Variants in TMEM259 observed in about 807,000 individuals in gnomAD.
TMEM259 encodes transmembrane protein 259.
TMEM259 carries 26 observed loss-of-function variants against 46.7 expected under a neutral mutation model. That is an observed-to-expected ratio of 0.56 (90% confidence interval 0.41 to 0.77). The LOEUF is 0.77. Ranked by LOEUF, TMEM259 falls within the 30% of genes least tolerant of loss-of-function variation. The pLI is 0.00. For synonymous variants in TMEM259, 494 were observed against 395.1 expected, an observed-to-expected ratio of 1.25 and a Z score of -2.97; for missense variants, 930 against 900.5, an observed-to-expected ratio of 1.03 and a Z score of -0.42.
Position 1,021,062 on chromosome 19 carries a change from G to C in TMEM259, c.-66C>G. ...GGGCGCCTCCCGGCCGCCATCGGCCGCCCTCGCAGCCGCCGCTCTCCTCAC... is the reference window on the plus strand; with the variant it reads ...GGGCGCCTCCCGGCCGCCATCGGCCCCCCTCGCAGCCGCCGCTCTCCTCAC... On this transcript the variant is annotated 5_prime_UTR_variant, in exon 1 of 11. Coordinates refer to ENST00000356663, the MANE Select transcript of TMEM259 (RefSeq NM_001033026.2). 1 of 1,272,844 alleles carries C rather than the reference G, an allele frequency of 7.9e-7. No homozygotes were observed. The highest frequency in any genetic ancestry group is 1.0e-6 in the Non-Finnish European group (1 of 1,003,740). The allele number at this position is 1,272,844 out of a possible 1,614,324, so 78.8% of individuals were successfully genotyped here. A position where few individuals can be genotyped will look rare whatever the true frequency, so the allele number is the denominator to read the frequency against.
At chr19:1,011,222 G>A in intron 9 of TMEM259, 27 bp from the exon 10 acceptor site, 2 of 1,562,396 alleles carry the variant, frequency 1.3e-6, no homozygotes, top group Non-Finnish European at 1.7e-6. Context: ...GGGCGTCGGG[G>A]CTGCAGGTCC....
intron 9 of TMEM259, 24 bp from the exon 10 acceptor site, chr19:1,011,219 G>A (rs758537814): frequency 2.2e-5 from 35 of 1,563,748 alleles, no homozygotes; most frequent in East Asian, 1.9e-4. Context: ...TGAGGGCGTC[G>A]GGGCTGCAGG....
At position 1,010,884 on chromosome 19, in the gene TMEM259, G is replaced by A. The variant is rs751793796; in HGVS notation, c.1329C>T (p.Ile443=). The change falls in exon 11 of 11, where the codon ATC becomes ATT. Residue 443 remains isoleucine, a synonymous_variant. Coordinates refer to ENST00000356663, the MANE Select transcript of TMEM259 (RefSeq NM_001033026.2). ...GCAGCTCGTAGTGGTGGAAGAAGTA[G>A]ATCATGGAATGCTGCGGGAGGGAGA... is the stretch of plus-strand genomic sequence containing the variant. ...TSWLFIQHSM[I]YFFHHYELPA... The A allele has an allele frequency of 7.9e-6, 12 of 1,521,148 alleles. No individual in the cohort carries two copies. Among genetic ancestry groups the A allele is most frequent in the Admixed American group, 1.7e-5 (1 of 58,404 alleles). 94.2% of individuals were successfully genotyped at this position (1,521,148 alleles called of 1,614,324 possible).
In TMEM259 at chr19:1,011,066, C is replaced by T; in HGVS notation, c.1317+30G>A. The T allele has an allele frequency of 1.9e-6, 3 of 1,562,582 alleles. No individual in the cohort carries two copies. The South Asian group carries it at 3.5e-5, about 18-fold the overall frequency. Reference sequence around the variant, plus strand: ...CTCCTGCCTGGAAAGGCACGGCTGGCCTGCCCCCTGCTTGCCGCCCAGGCC... The same window carrying T: ...CTCCTGCCTGGAAAGGCACGGCTGGTCTGCCCCCTGCTTGCCGCCCAGGCC... On this transcript the variant is annotated intron_variant, in intron 10 of 10. Transcript: ENST00000356663.
At position 1,021,076 on chromosome 19, in the gene TMEM259, C is replaced by A; in HGVS notation, c.-80G>T. ...CGCCATCGGCCGCCCTCGCAGCCGC[C>A]GCTCTCCTCACGGCCTCCCGGCCGC... On this transcript the variant is annotated 5_prime_UTR_variant, in exon 1 of 11. Transcript: ENST00000356663. 5 of 1,253,614 alleles carry A rather than the reference C, an allele frequency of 4.0e-6. No individual in the cohort carries two copies. The highest frequency in any genetic ancestry group is 5.0e-6 in the Non-Finnish European group (5 of 991,268). The allele number at this position is 1,253,614 out of a possible 1,614,324, so 77.7% of individuals were successfully genotyped here.
chr19:1,010,798 G>C lies in TMEM259; in HGVS notation c.1415C>G (p.Pro472Arg). Residue 472 changes from proline (P) to arginine (R), a missense_variant, in exon 11 of 11, where the codon CCC (proline) becomes CGC (arginine). Pro to Arg is a moderately radical substitution (Grantham distance 103). Coordinates refer to ENST00000356663, the MANE Select transcript of TMEM259 (RefSeq NM_001033026.2). ...ATCGGGCAGCGCCGTGGGGGTCCCGGGGCCCAGTGGCGGCGCCTGAAGCAG... is the reference window on the plus strand; with the variant it reads ...ATCGGGCAGCGCCGTGGGGGTCCCGCGGCCCAGTGGCGGCGCCTGAAGCAG... ...EMLLQAPPLGPGTPTALPDDM... is the reference protein window; with the variant it reads ...EMLLQAPPLGRGTPTALPDDM... 1.3e-6 allele frequency: 2 copies of C among 1,574,606 alleles called. No individual in the cohort carries two copies. The highest frequency in any genetic ancestry group is 1.7e-6 in the Non-Finnish European group (2 of 1,169,050).
In TMEM259 at chr19:1,012,518, G is replaced by A; in HGVS notation, c.663C>T (p.Arg221=). 1 of 1,600,612 alleles carries A rather than the reference G, an allele frequency of 6.2e-7. No individual in the cohort carries two copies. Among genetic ancestry groups the A allele is most frequent in the African/African-American group, 1.3e-5 (1 of 74,872 alleles). ...VEYSLEYGFL[R]LSQATRQRLS... ...GGCGCTGGCGGGTGGCCTGCGACAG[G>A]CGAAGGAAGCCATACTCTAGTGAGT... The change falls in exon 4 of 11, where the codon CGC becomes CGT. Residue 221 remains arginine, a synonymous_variant. Transcript: ENST00000356663.
Position 1,013,290 on chromosome 19 carries a change from C to T in TMEM259, c.558G>A (p.Glu186=). ...PKVFKPPSST[E]ALNDSQEFPF... ...GGAACTCCTGGCTGTCATTCAGGGCCTCTGTGCTACTCGGCGGCTTGAACA... is the reference window on the plus strand; with the variant it reads ...GGAACTCCTGGCTGTCATTCAGGGCTTCTGTGCTACTCGGCGGCTTGAACA... Residue 186 remains glutamate, a synonymous_variant, in exon 3 of 11, where the codon GAG becomes GAA. Coordinates refer to ENST00000356663, the MANE Select transcript of TMEM259 (RefSeq NM_001033026.2). 5.0e-6 allele frequency: 8 copies of T among 1,613,852 alleles called. No individual in the cohort carries two copies. Among genetic ancestry groups the T allele is most frequent in the Non-Finnish European group, 5.9e-6 (7 of 1,179,832 alleles).
intron 5 of TMEM259, 35 bp downstream of exon 5, chr19:1,012,031 C>A (rs761146613): frequency 6.2e-7 from 1 of 1,611,804 alleles, no homozygotes; most frequent in Non-Finnish European, 8.5e-7. Context: ...CCCCCACCCG[C>A]GCCCTCGCAC....
intron 3 of TMEM259, 102 bp from the exon 4 acceptor site, chr19:1,012,675 TG>T: frequency 5.5e-6 from 8 of 1,457,398 alleles, no homozygotes; most frequent in Non-Finnish European, 6.4e-6. Flanking sequence ...TGAGACCTGC[TG>T]AGCCCTGGGC....
At chr19:1,019,496 G>A (rs891352141) in intron 1 of TMEM259, among the ~76,000 whole-genome samples, 1 of 152,234 alleles carries the variant, frequency 6.6e-6, no homozygotes, top group East Asian at 1.9e-4. Flanking sequence ...CACTCTGGGG[G>A]GCTGCAGGGA....
chr19:1,017,546 T>G (rs1449341930), intron 1 of TMEM259: 3 of 396,450 alleles, frequency 7.6e-6, no homozygotes, highest in African/African-American at 2.1e-5. Flanking sequence ...TGACCCTTCC[T>G]TCCTCCGGGT....
rs1280835817 is a variant in TMEM259 at position 1,011,079 on chromosome 19, TGCC to T, written c.1317+14_1317+16del. 6.4e-7 allele frequency: 1 copy of T among 1,570,448 alleles called. No homozygotes were observed. The highest frequency in any genetic ancestry group is 1.2e-5 in the South Asian group (1 of 86,528). ...AGGCACGGCTGGCCTGCCCCCTGCT[TGCC>T]GCCCAGGCCTCACCTGGATGAAGAG... On this transcript the variant is annotated intron_variant, in intron 10 of 10. Coordinates refer to ENST00000356663, the MANE Select transcript of TMEM259 (RefSeq NM_001033026.2).
intron 1 of TMEM259, among the ~76,000 whole-genome samples, chr19:1,019,363 C>G (rs992020940): frequency 6.6e-6 from 1 of 152,250 alleles, no homozygotes; most frequent in Non-Finnish European, 1.5e-5. Context: ...GGAAAACCCA[C>G]GTCCACAGAC....
Position 1,009,677 on chromosome 19 carries a change from A to G in TMEM259, c.*673T>C, listed in dbSNP as rs1378725367. ...CCGCTGTCAACAGACAGTTTATTCTATATACAAACACAATTTTGTACACTG... is the reference window on the plus strand; with the variant it reads ...CCGCTGTCAACAGACAGTTTATTCTGTATACAAACACAATTTTGTACACTG... On this transcript the variant is annotated 3_prime_UTR_variant, in exon 11 of 11. Transcript: ENST00000356663. 44 of 1,178,700 alleles carry G rather than the reference A, an allele frequency of 3.7e-5. No individual in the cohort carries two copies. In the Middle Eastern group the frequency reaches 9.0e-4, roughly 24 times the overall value. 73.0% of individuals were successfully genotyped at this position (1,178,700 alleles called of 1,614,324 possible). A position where few individuals can be genotyped will look rare whatever the true frequency, so the allele number is the denominator to read the frequency against.
chr19:1,012,575 T>C lies in TMEM259; in HGVS notation c.608-2A>G. ...CGATGTACTCGTCCTGCGGCCACAC[T>C]GCAGGGCAGAACCAGGGACCAGGTC... On this transcript the variant is annotated splice_acceptor_variant, in intron 3 of 10. Coordinates refer to ENST00000356663, the MANE Select transcript of TMEM259 (RefSeq NM_001033026.2). LOFTEE classifies it high-confidence loss of function. 6.4e-7 allele frequency: 1 copy of C among 1,574,724 alleles called. No homozygotes were observed. Among genetic ancestry groups the C allele is most frequent in the Middle Eastern group, 1.7e-4 (1 of 6,012 alleles).
Position 1,010,569 on chromosome 19 carries a change from G to T in TMEM259, c.1644C>A (p.Ile548=). 1 of 1,549,860 alleles carries T rather than the reference G, an allele frequency of 6.5e-7. No homozygotes were observed. The highest frequency in any genetic ancestry group is 8.7e-7 in the Non-Finnish European group (1 of 1,148,090). ...LGWMAETAAI[I]TDASFLSGLS... ...GGCCGGACAGGAAGGAGGCGTCTGT[G>T]ATGATGGCAGCGGTCTCTGCCATCC... Residue 548 remains isoleucine (I), a synonymous_variant, in exon 11 of 11, where the codon ATC becomes ATA. Transcript: ENST00000356663.
At chr19:1,018,936 C>A (rs574442390) in intron 1 of TMEM259, among the ~76,000 whole-genome samples, 20 of 150,568 alleles carry the variant, frequency 1.3e-4, no homozygotes, top group Middle Eastern at 3.4e-3. Context: ...TGCAGTGAGC[C>A]GAGATCAAAC....
chr19:1,012,304 G>C, intron 4 of TMEM259, 116 bp from the exon 5 acceptor site: 1 of 1,504,676 alleles, frequency 6.6e-7, no homozygotes. Flanking sequence ...CCATTCTTAG[G>C]AAACCCATCC....
Sources: gnomAD v4.1 joint callset for allele counts (sites outside exome capture counted in the v4.1 genomes callset) on GRCh38, gnomAD v4.1.1 for gene constraint, MANE v1.5 for transcripts, NCBI Gene and HGNC (gene_info 2026-07-23, HGNC 2026-07-21) for gene names.